The following CLCN1 variants were observed in gnomAD, a reference collection of about 807,000 sequenced individuals.
CLCN1 encodes the protein chloride voltage-gated channel 1.
In CLCN1, 100 loss-of-function variants were observed where a neutral mutation model predicts 114.5. The ratio of observed to expected loss-of-function variants is 0.87; its 90% CI spans 0.74 to 1.03. The LOEUF (loss-of-function observed/expected upper bound fraction) is 1.03, where lower values mean the gene tolerates loss of function less well. CLCN1 is among the 50% of genes least tolerant of loss of function. The probability of loss-of-function intolerance (pLI) is 0.00; values close to 1 mark genes in which losing one functional copy is unlikely to be tolerated. For missense variants in CLCN1, 1,188 were observed against 1,250.0 expected (o/e 0.95, Z 0.75); for synonymous variants, 485 against 487.1 (o/e 1.00, Z 0.06).
chr7:143,339,447 C>A lies in CLCN1; in HGVS notation c.1472-64C>A. ...CTTAATGCCCAAGGAGAGATTGGTT[C>A]TGAAAACTGAGAGCAAGGAACTTGG... is the stretch of plus-strand genomic sequence containing the variant. On this transcript the variant is annotated intron_variant, in intron 13 of 22. Coordinates refer to ENST00000343257, the MANE Select transcript of CLCN1 (RefSeq NM_000083.3). The surrounding 1 kb of genome is among the most constrained non-coding windows in gnomAD (Gnocchi z 4.1). 7.0e-7 allele frequency: 1 copy of A among 1,436,510 alleles called. No individual in the cohort carries two copies. Among genetic ancestry groups the A allele is most frequent in the South Asian group, 1.1e-5 (1 of 87,480 alleles). The allele number at this position is 1,436,510 out of a possible 1,614,324, so 89.0% of individuals were successfully genotyped here. A position where few individuals can be genotyped will look rare whatever the true frequency, so the allele number is the denominator to read the frequency against.
chr7:143,326,973 C>G (rs997285542), intron 7 of CLCN1, among the ~76,000 whole-genome samples: 1 of 152,208 alleles, frequency 6.6e-6, no homozygotes, highest in Non-Finnish European at 1.5e-5. Flanking sequence ...AGTGGCCAGG[C>G]ACAGTGGCTC....
intron 5 of CLCN1, among the ~76,000 whole-genome samples, chr7:143,322,107 G>A (rs1802456341): frequency 6.6e-6 from 1 of 152,260 alleles, no homozygotes; most frequent in Non-Finnish European, 1.5e-5. Context: ...ACTCTGTGCT[G>A]TGGGGAGGCT....
intron 7 of CLCN1, among the ~76,000 whole-genome samples, chr7:143,328,782 A>T (rs1232032871): frequency 6.6e-6 from 1 of 152,054 alleles, no homozygotes; most frequent in Admixed American, 6.5e-5. Context: ...TTGGCCAAGC[A>T]AGCTCTGTCT....
chr7:143,323,343 C>T lies in CLCN1; in HGVS notation c.731C>T (p.Ala244Val). 6.2e-6 allele frequency: 10 copies of T among 1,613,928 alleles called. No homozygotes were observed. The highest frequency in any genetic ancestry group is 8.5e-6 in the Non-Finnish European group (10 of 1,179,818). The change falls in exon 6 of 23, where the codon GCT (alanine) becomes GTT (valine). Residue 244 changes from alanine (A) to valine (V), a missense_variant. Ala to Val is a moderately conservative substitution (Grantham distance 64). Coordinates refer to ENST00000343257, the MANE Select transcript of CLCN1 (RefSeq NM_000083.3). ...GTCCACATTGCCAGCATCTGTGCTGCTGTCCTCAGCAAATTCATGTCTGTG... is the reference window on the plus strand; with the variant it reads ...GTCCACATTGCCAGCATCTGTGCTGTTGTCCTCAGCAAATTCATGTCTGTG... Reference protein sequence around the residue: ...PFVHIASICAAVLSKFMSVFC... With the variant: ...PFVHIASICAVVLSKFMSVFC...
At chr7:143,335,751 C>T (rs1296108328) in intron 12 of CLCN1, among the ~76,000 whole-genome samples, 1 of 151,464 alleles carries the variant, frequency 6.6e-6, no homozygotes, top group Non-Finnish European at 1.5e-5. Flanking sequence ...GCTCCGGCTC[C>T]CAGGTTCACG....
Position 143,330,836 on chromosome 7 carries a change from CTTTGCAGCCACG to C in CLCN1, c.921_932del (p.Ala308_Phe311del), listed in dbSNP as rs766116662. ...CTGTTCGGAACTACTGGAGAGGATT[CTTTGCAGCCACG>C]TTCAGCGCCTTTGTGTTTCGAGTGC... On this transcript the variant is annotated inframe_deletion, in exon 8 of 23. Coordinates refer to ENST00000343257, the MANE Select transcript of CLCN1 (RefSeq NM_000083.3). 1.9e-6 allele frequency: 3 copies of C among 1,614,204 alleles called. No homozygotes were observed. The Admixed American group carries it at 5.0e-5, about 27-fold the overall frequency.
chr7:143,339,549 A>T lies in CLCN1; in HGVS notation c.1510A>T (p.Met504Leu). ...FGRLVGEIMA[M>L]LFPDGILFDD... ...AAGGCTGGTAGGAGAAATCATGGCCATGCTCTTTCCTGATGGTATTTTGTT... is the reference window on the plus strand; with the variant it reads ...AAGGCTGGTAGGAGAAATCATGGCCTTGCTCTTTCCTGATGGTATTTTGTT... Residue 504 changes from methionine to leucine, a missense_variant, in exon 14 of 23, where the codon ATG (methionine) becomes TTG (leucine). Physicochemically the swap from Met to Leu is conservative, Grantham distance 15 (BLOSUM62 2). Coordinates refer to ENST00000343257, the MANE Select transcript of CLCN1 (RefSeq NM_000083.3). The surrounding 1 kb of genome is among the most constrained non-coding windows in gnomAD (Gnocchi z 4.1). 6.2e-7 allele frequency: 1 copy of T among 1,614,046 alleles called. No individual in the cohort carries two copies. Among genetic ancestry groups the T allele is most frequent in the Non-Finnish European group, 8.5e-7 (1 of 1,179,916 alleles).
At chr7:143,323,272 GCCTCTGACCCCCGCCC>G in intron 5 of CLCN1, 21 bp from the exon 6 acceptor site, 1 of 1,103,480 alleles carries the variant, frequency 9.1e-7, no homozygotes, top group Non-Finnish European at 1.4e-6. Context: ...CCTCCATCTG[GCCTCTGACCCCCGCCC>G]CCTCGCTCCC....
Position 143,339,469 on chromosome 7 carries a change from T to A in CLCN1, c.1472-42T>A. The A allele has an allele frequency of 6.6e-7, 1 of 1,512,510 alleles. No homozygotes were observed. Among genetic ancestry groups the A allele is most frequent in the Non-Finnish European group, 9.2e-7 (1 of 1,087,294 alleles). 93.7% of individuals were successfully genotyped at this position (1,512,510 alleles called of 1,614,324 possible). On this transcript the variant is annotated intron_variant, in intron 13 of 22. Coordinates refer to ENST00000343257, the MANE Select transcript of CLCN1 (RefSeq NM_000083.3). The surrounding 1 kb of genome is among the most constrained non-coding windows in gnomAD (Gnocchi z 4.1). Reference sequence around the variant, plus strand: ...GTTCTGAAAACTGAGAGCAAGGAACTTGGATCTCGTAACACCTTCCTTCCT... The same window carrying A: ...GTTCTGAAAACTGAGAGCAAGGAACATGGATCTCGTAACACCTTCCTTCCT...
At chr7:143,342,348 C>A in intron 15 of CLCN1, 24 bp from the exon 16 acceptor site, 4 of 1,613,894 alleles carry the variant, frequency 2.5e-6, no homozygotes, top group Non-Finnish European at 3.4e-6. Flanking sequence ...TGGGGCTAAC[C>A]CACCATGCTT....
chr7:143,331,470 T>C, intron 9 of CLCN1, 81 bp from the exon 10 acceptor site: 1 of 1,180,780 alleles, frequency 8.5e-7, no homozygotes, highest in African/African-American at 1.5e-5. Context: ...AAGCCTGGTA[T>C]TTGTTTCCCT....
chr7:143,345,840 T>TGGGCTGGGAC, intron 17 of CLCN1, 78 bp downstream of exon 17: 1 of 1,294,310 alleles, frequency 7.7e-7, no homozygotes, highest in South Asian at 1.2e-5. Flanking sequence ...TGGGCTGGGC[T>TGGGCTGGGAC]GGGCTGGGAC....
Position 143,331,606 on chromosome 7 carries a change from C to G in CLCN1, c.1120C>G (p.Leu374Val), listed in dbSNP as rs1482388640. 1.9e-6 allele frequency: 3 copies of G among 1,614,004 alleles called. No individual in the cohort carries two copies. In the African/African-American group the frequency reaches 4.0e-5, roughly 22 times the overall value. ...TGTGTATCTGCATCGCCAAGTCATG[C>G]TCGGTGTCCGAAAGCACAAGGCCCT... ...VFVYLHRQVM[L>V]GVRKHKALSQ... Residue 374 changes from leucine (L) to valine (V), a missense_variant, in exon 10 of 23, where the codon CTC (leucine) becomes GTC (valine). Leu to Val is a conservative substitution (Grantham distance 32). Coordinates refer to ENST00000343257, the MANE Select transcript of CLCN1 (RefSeq NM_000083.3).
At chr7:143,325,399 A>G (rs2116844209) in intron 7 of CLCN1, among the ~76,000 whole-genome samples, 1 of 152,374 alleles carries the variant, frequency 6.6e-6, no homozygotes, top group African/African-American at 2.4e-5. Flanking sequence ...TAAGTGGAGA[A>G]GAGTTTAAAG....
chr7:143,349,066 A>G (rs1253684614), intron 20 of CLCN1, among the ~76,000 whole-genome samples: 1 of 152,234 alleles, frequency 6.6e-6, no homozygotes, highest in African/African-American at 2.4e-5. Flanking sequence ...GTACTTGATA[A>G]TCATTCACTG....
intron 16 of CLCN1, among the ~76,000 whole-genome samples, chr7:143,345,298 T>G (rs1803197374): frequency 6.6e-6 from 1 of 152,136 alleles, no homozygotes; most frequent in Non-Finnish European, 1.5e-5. Context: ...TTAGCCCAAT[T>G]AGTGCTCTAC....
At chr7:143,344,525 G>A (rs1803173423) in intron 16 of CLCN1, among the ~76,000 whole-genome samples, 1 of 152,000 alleles carries the variant, frequency 6.6e-6, no homozygotes, top group Non-Finnish European at 1.5e-5. Flanking sequence ...TACATTCCAC[G>A]TTCTACAGCA....
chr7:143,326,910 C>T (rs1213802874), intron 7 of CLCN1, among the ~76,000 whole-genome samples: 2 of 152,042 alleles, frequency 1.3e-5, no homozygotes, highest in Non-Finnish European at 2.9e-5. Context: ...TTCTATAAAC[C>T]AGTTGGAAAA....
At chr7:143,322,365 A>C (rs1802464216) in intron 5 of CLCN1, among the ~76,000 whole-genome samples, 1 of 152,168 alleles carries the variant, frequency 6.6e-6, no homozygotes, top group South Asian at 2.1e-4. Flanking sequence ...GGTGGGTTGC[A>C]GCCTCCTTCC....
Sources: gnomAD v4.1 joint callset for allele counts (sites outside exome capture counted in the v4.1 genomes callset) on GRCh38, gnomAD v4.1.1 for gene constraint, Gnocchi (gnomAD v3.1) non-coding constraint, MANE v1.5 for transcripts, NCBI Gene and HGNC (gene_info 2026-07-23, HGNC 2026-07-21) for gene names.